The following EPB41L3 variants were observed in gnomAD, a reference collection of about 807,000 sequenced individuals.
EPB41L3 encodes erythrocyte membrane protein band 4.1 like 3, also known as band 4.1-like protein 3.
In EPB41L3, 57 loss-of-function variants were observed where a neutral mutation model predicts 127.1. That is an observed-to-expected ratio of 0.45 (90% CI 0.36 to 0.56). EPB41L3 has a LOEUF of 0.56. EPB41L3 is among the 20% of genes least tolerant of loss of function. The pLI is 0.00. For synonymous variants in EPB41L3, 572 were observed against 549.5 expected (o/e 1.04, Z -0.57); for missense variants, 1,273 against 1,372.2 (o/e 0.93, Z 1.14).
chr18:5,498,733 T>C (rs1231758316), intron 1 of EPB41L3, among the ~76,000 whole-genome samples: 1 of 151,878 alleles, frequency 6.6e-6, no homozygotes, highest in Non-Finnish European at 1.5e-5. Flanking sequence ...ATCAATGATA[T>C]ACATAAGAGC....
chr18:5,522,973 C>T (rs2093057654), intron 1 of EPB41L3, among the ~76,000 whole-genome samples: 1 of 151,960 alleles, frequency 6.6e-6, no homozygotes, highest in Non-Finnish European at 1.5e-5. Context: ...TTAAAAGTGA[C>T]TGAGCTGGTA....
chr18:5,558,758 T>C (rs976922521), intron 3 of EPB41L3, among the ~76,000 whole-genome samples: 1 of 152,350 alleles, frequency 6.6e-6, no homozygotes, highest in Non-Finnish European at 1.5e-5. Context: ...CAATTGTGCC[T>C]AACACATAGT....
intron 3 of EPB41L3, among the ~76,000 whole-genome samples, chr18:5,603,092 C>T (rs763702665): frequency 6.6e-6 from 1 of 152,142 alleles, no homozygotes; most frequent in Non-Finnish European, 1.5e-5. Flanking sequence ...ATTCAGTATG[C>T]TTCAATTTTT....
chr18:5,453,394 G>T (rs2082562060), intron 3 of EPB41L3, among the ~76,000 whole-genome samples: 1 of 152,198 alleles, frequency 6.6e-6, no homozygotes, highest in South Asian at 2.1e-4. Flanking sequence ...GCTCAGGAAG[G>T]AATGGGGTTC....
At chr18:5,566,570 C>A (rs996040711) in intron 3 of EPB41L3, among the ~76,000 whole-genome samples, 3 of 152,114 alleles carry the variant, frequency 2.0e-5, no homozygotes, top group African/African-American at 7.2e-5. Context: ...CCATCCCCAT[C>A]AAGCTACCAA....
At position 5,406,811 on chromosome 18, in the gene EPB41L3, T is replaced by G. The variant is rs1323342156; in HGVS notation, c.2315A>C (p.Asp772Ala). Residue 772 changes from aspartate to alanine, a missense_variant, in exon 16 of 23, where the codon GAT (aspartate) becomes GCT (alanine). Physicochemically the swap from Asp to Ala is moderately radical, Grantham distance 126 (BLOSUM62 -2). Around this residue, in one of 3 missense-constraint regions of EPB41L3, gnomAD observed 765 missense variants for 782.9 expected, o/e 0.98. Transcript: ENST00000341928. Reference sequence around the variant, plus strand: ...GACAAGTGGTTCGATCATGGGGGCATCCTCCTGCCTGGCGGCCAGTCGCAC... The same window carrying G: ...GACAAGTGGTTCGATCATGGGGGCAGCCTCCTGCCTGGCGGCCAGTCGCAC... ...SPVRLAARQEDAPMIEPLVPE... is the reference protein window; with the variant it reads ...SPVRLAARQEAAPMIEPLVPE... 5 of 1,614,030 alleles carry G rather than the reference T, an allele frequency of 3.1e-6. No individual in the cohort carries two copies. In the African/African-American group the frequency reaches 6.7e-5, roughly 22 times the overall value.
At position 5,423,537 on chromosome 18, in the gene EPB41L3, C is replaced by T. The variant is rs1200063591; in HGVS notation, c.1180G>A (p.Ala394Thr). Residue 394 changes from alanine (A) to threonine (T), a missense_variant, in exon 11 of 23, where the codon GCA becomes ACA. Coordinates refer to ENST00000341928, the MANE Select transcript of EPB41L3 (RefSeq NM_012307.5). ...HTFFRLLLPEAPPKKFLTLGS... is the reference protein window; with the variant it reads ...HTFFRLLLPETPPKKFLTLGS... ...AAGGTTAGGAATTTCTTGGGAGGTG[C>T]TTCTGGTAACAGTAGTCTAAAGAGA... The T allele has an allele frequency of 4.3e-6, 7 of 1,612,612 alleles. No individual in the cohort carries two copies. Among genetic ancestry groups the T allele is most frequent in the Non-Finnish European group, 5.9e-6 (7 of 1,178,988 alleles).
chr18:5,561,032 C>T (rs1367766622), intron 3 of EPB41L3, among the ~76,000 whole-genome samples: 1 of 139,024 alleles, frequency 7.2e-6, no homozygotes, highest in Non-Finnish European at 1.6e-5. Context: ...GGCTGGAGTG[C>T]AGTGGCGCGA....
chr18:5,493,541 T>C (rs1307997697), intron 1 of EPB41L3, among the ~76,000 whole-genome samples: 1 of 152,050 alleles, frequency 6.6e-6, no homozygotes, highest in Non-Finnish European at 1.5e-5. Context: ...GTAATATTCT[T>C]TGGCCCTTCT....
At chr18:5,415,391 C>T (rs1367115463) in intron 13 of EPB41L3, among the ~76,000 whole-genome samples, 1 of 152,310 alleles carries the variant, frequency 6.6e-6, no homozygotes, top group South Asian at 2.1e-4. Flanking sequence ...ATGATACATC[C>T]CCTCCGGGGA....
At chr18:5,563,083 C>T (rs750613622) in intron 3 of EPB41L3, among the ~76,000 whole-genome samples, 14 of 152,194 alleles carry the variant, frequency 9.2e-5, no homozygotes, top group South Asian at 6.2e-4. Flanking sequence ...TCTTACCAGA[C>T]GGATGGGCAG....
At chr18:5,454,132 C>T (rs79844984) in intron 3 of EPB41L3, among the ~76,000 whole-genome samples, 2,900 of 151,464 alleles carry the variant, frequency 0.019, 44 homozygotes, top group Middle Eastern at 0.052. Context: ...TTTTTTCTAA[C>T]GAATTCTTGA....
chr18:5,424,219 T>C (rs1423901818), intron 10 of EPB41L3, 43 bp downstream of exon 10: 1 of 1,373,300 alleles, frequency 7.3e-7, no homozygotes, highest in Non-Finnish European at 9.9e-7. Context: ...TATAAGTGAT[T>C]ATAATTATTC....
chr18:5,547,573 C>T (rs762866209), upstream of EPB41L3, among the ~76,000 whole-genome samples: 2 of 152,142 alleles, frequency 1.3e-5, no homozygotes, highest in Non-Finnish European at 2.9e-5. Flanking sequence ...TTATGGACTT[C>T]CTGAAATTAC....
chr18:5,489,283 A>T, intron 1 of EPB41L3, 89 bp from the exon 2 acceptor site: 1 of 1,451,692 alleles, frequency 6.9e-7, no homozygotes, highest in East Asian at 2.5e-5. Flanking sequence ...TGAAAGGCTC[A>T]AGAGAACCAC....
chr18:5,600,393 T>C (rs1568629471), intron 3 of EPB41L3, among the ~76,000 whole-genome samples: 1 of 152,144 alleles, frequency 6.6e-6, no homozygotes, highest in Non-Finnish European at 1.5e-5. Context: ...TGTGGAGAAA[T>C]GAGAGAATCA....
intron 16 of EPB41L3, chr18:5,400,487 A>G (rs1383134515): frequency 1.8e-5 from 8 of 455,852 alleles, no homozygotes; most frequent in Middle Eastern, 3.2e-4. Context: ...AAATGAATTG[A>G]AAGAATAACC....
rs560150126 is a variant in EPB41L3, at chr18:5,535,268, A to G, written c.-12+8645T>C. Among the ~76,000 whole-genome samples, 245 of 152,282 alleles carry G rather than the reference A, an allele frequency of 1.6e-3. 1 individual carries two copies. Among genetic ancestry groups the G allele is most frequent in the African/African-American group, 5.2e-3 (217 of 41,552 alleles). ...GGACAGGGCCACACAGCAGGAGGTA[A>G]GCAAAATGGAGGTCCTTGGTGCTAA... On this transcript the variant is annotated intron_variant, in intron 1 of 22. Transcript: ENST00000341928.
chr18:5,585,392 C>T (rs2094433464), intron 3 of EPB41L3, among the ~76,000 whole-genome samples: 2 of 152,164 alleles, frequency 1.3e-5, no homozygotes, highest in Non-Finnish European at 1.5e-5. Flanking sequence ...GTAACTCTGA[C>T]TCCTGGGTTC....
Sources: allele counts gnomAD v4.1 joint callset (sites outside exome capture counted in the v4.1 genomes callset), GRCh38; gene constraint gnomAD v4.1.1; regional missense constraint gnomAD v4.1.1; transcripts MANE v1.5; gene names NCBI Gene and HGNC (gene_info 2026-07-23, HGNC 2026-07-21).